The following AGBL2 variants were observed in gnomAD, a reference collection of about 807,000 sequenced individuals.
AGBL2 encodes cytosolic carboxypeptidase 2.
In AGBL2, 87 loss-of-function variants were observed where a neutral mutation model predicts 103.0. The observed-to-expected ratio is 0.84, with a 90% CI of 0.71 to 1.01. AGBL2 has a LOEUF of 1.01. AGBL2 is among the 50% of genes least tolerant of loss of function. The pLI is 0.00. For missense variants in AGBL2, 904 were observed against 1,023.5 expected (o/e 0.88, Z 1.59); for synonymous variants, 335 against 356.7 (o/e 0.94, Z 0.69).
rs550466607 is a variant in AGBL2, at chr11:47,685,913, A to G, written c.1768T>C (p.Cys590Arg). 11 of 1,613,824 alleles carry G rather than the reference A, an allele frequency of 6.8e-6. No homozygotes were observed. The highest frequency in any genetic ancestry group is 9.3e-6 in the Non-Finnish European group (11 of 1,179,932). The change falls in exon 11 of 19, where the codon TGC (cysteine) becomes CGC (arginine). Residue 590 changes from cysteine to arginine, a missense_variant. Transcript: ENST00000525123. ...LHERVFPLML[C>R]KNAPDKFSFH... is the part of the protein sequence containing the mutation. ...CTTACCTTATCTGGTGCATTTTTGC[A>G]TAACATTAAAGGAAAGACTCGTTCA... is the stretch of plus-strand genomic sequence containing the variant.
intron 6 of AGBL2, 112 bp from the exon 7 acceptor site, chr11:47,704,840 G>A: frequency 2.6e-6 from 2 of 772,212 alleles, no homozygotes; most frequent in Non-Finnish European, 4.0e-6. Context: ...TATTAGCACA[G>A]ATATGTGATT....
intron 8 of AGBL2, among the ~76,000 whole-genome samples, chr11:47,697,863 T>A (rs2097482235): frequency 6.6e-6 from 1 of 150,772 alleles, no homozygotes; most frequent in South Asian, 2.1e-4. Flanking sequence ...ATTTTATTTT[T>A]TATTTTTTTT....
rs745972082 is a variant in AGBL2, at chr11:47,705,662, A to G, written c.287-28T>C. The G allele has an allele frequency of 6.7e-6, 4 of 595,002 alleles. No homozygotes were observed. In the Admixed American group the frequency reaches 1.2e-4, roughly 18 times the overall value. The allele number at this position is 595,002 out of a possible 1,614,324, so 36.9% of individuals were successfully genotyped here. On this transcript the variant is annotated intron_variant, in intron 5 of 18. Coordinates refer to ENST00000525123, the MANE Select transcript of AGBL2 (RefSeq NM_024783.4). ...GTGTCAAAAAAAAAAAAAAAAGAAA[A>G]AGAAAAAGAAGAAAGGGAATGAGGA...
In AGBL2 at chr11:47,674,475, G is replaced by A. The variant is rs554609649; in HGVS notation, c.2147+2796C>T. On this transcript the variant is annotated intron_variant, in intron 14 of 18. Coordinates refer to ENST00000525123, the MANE Select transcript of AGBL2 (RefSeq NM_024783.4). ...CCAGCTACTTGAGGGGCTGAGGCAG[G>A]AGAATTGCTTGAACCTGGGAAGCGG... Among the ~76,000 whole-genome samples, 10 of 151,240 alleles carry A rather than the reference G, an allele frequency of 6.6e-5. No homozygotes were observed. In the South Asian group the frequency reaches 1.9e-3, roughly 28 times the overall value.
At chr11:47,698,560 G>A (rs2097486000) in intron 8 of AGBL2, among the ~76,000 whole-genome samples, 1 of 152,072 alleles carries the variant, frequency 6.6e-6, no homozygotes, top group African/African-American at 2.4e-5. Flanking sequence ...AGAAGCTTAG[G>A]TAATTGATAA....
At chr11:47,713,283 G>T (rs1028402528) in intron 3 of AGBL2, among the ~76,000 whole-genome samples, 1 of 150,856 alleles carries the variant, frequency 6.6e-6, no homozygotes, top group African/African-American at 2.4e-5. Context: ...GGTGGAGGTC[G>T]CAGTGAGCCG....
At chr11:47,669,820 C>T (rs1329130331) in intron 14 of AGBL2, among the ~76,000 whole-genome samples, 1 of 152,126 alleles carries the variant, frequency 6.6e-6, no homozygotes, top group East Asian at 1.9e-4. Context: ...ACCGTGTTAG[C>T]CAAGATGGTC....
At chr11:47,699,296 A>G (rs2097488939) in intron 8 of AGBL2, 150 bp downstream of exon 8, 1 of 464,886 alleles carries the variant, frequency 2.2e-6, no homozygotes, top group Admixed American at 4.1e-5. Context: ...CAGACTGGTT[A>G]TGACTCCTCC....
chr11:47,684,059 T>G (rs909051533), intron 11 of AGBL2, among the ~76,000 whole-genome samples: 4 of 151,992 alleles, frequency 2.6e-5, no homozygotes, highest in Non-Finnish European at 5.9e-5. Context: ...GAGACCAGCC[T>G]GGCCTACATC....
Position 47,710,777 on chromosome 11 carries a change from C to A in AGBL2, c.98-266G>T, listed in dbSNP as rs942219072. On this transcript the variant is annotated intron_variant, in intron 3 of 18. Transcript: ENST00000525123. Reference sequence around the variant, plus strand: ...GTGGAGTGAGAAAGGACTTGGCAGGCAGAAAGATTCTGAAGCTACAAGGGC... The same window carrying A: ...GTGGAGTGAGAAAGGACTTGGCAGGAAGAAAGATTCTGAAGCTACAAGGGC... The A allele has an allele frequency of 8.1e-5, 43 of 530,568 alleles. No individual in the cohort carries two copies. The Admixed American group carries it at 9.4e-4, about 12-fold the overall frequency. 32.9% of individuals were successfully genotyped at this position (530,568 alleles called of 1,614,324 possible).
intron 8 of AGBL2, among the ~76,000 whole-genome samples, chr11:47,695,347 C>A (rs1485736584): frequency 6.7e-6 from 1 of 148,590 alleles, no homozygotes; most frequent in Non-Finnish European, 1.5e-5. Context: ...TGATGGTAGG[C>A]AACTATAATT....
intron 8 of AGBL2, among the ~76,000 whole-genome samples, chr11:47,699,231 TAG>T (rs2097488716): frequency 6.6e-6 from 1 of 152,168 alleles, no homozygotes; most frequent in Non-Finnish European, 1.5e-5. Context: ...AAAATGGACT[TAG>T]AACTATTAAA....
At position 47,682,478 on chromosome 11, in the gene AGBL2, A is replaced by G. The variant is rs964031659; in HGVS notation, c.1789-383T>C. ...CTCCCCTAAGGAGAATTTTGCAGGAATTGGTTTCCTAGAACATCCGTTTGG... is the reference window on the plus strand; with the variant it reads ...CTCCCCTAAGGAGAATTTTGCAGGAGTTGGTTTCCTAGAACATCCGTTTGG... On this transcript the variant is annotated intron_variant, in intron 11 of 18. Coordinates refer to ENST00000525123, the MANE Select transcript of AGBL2 (RefSeq NM_024783.4). Among the ~76,000 whole-genome samples, 7 of 152,142 alleles carry G rather than the reference A, an allele frequency of 4.6e-5. 1 individual carries two copies. The highest frequency in any genetic ancestry group is 7.3e-5 in the Non-Finnish European group (5 of 68,028).
intron 7 of AGBL2, among the ~76,000 whole-genome samples, chr11:47,702,738 G>C (rs1365070366): frequency 6.6e-6 from 1 of 152,080 alleles, no homozygotes; most frequent in Non-Finnish European, 1.5e-5. Context: ...GCTGGGTGCG[G>C]TGGTGGGTGC....
At chr11:47,681,572 A>G (rs1485064179) in intron 12 of AGBL2, among the ~76,000 whole-genome samples, 2 of 152,046 alleles carry the variant, frequency 1.3e-5, no homozygotes, top group African/African-American at 4.8e-5. Flanking sequence ...GGTTCAAGCG[A>G]TTCTCCTGCC....
At chr11:47,693,323 G>A (rs1200425658) in intron 8 of AGBL2, among the ~76,000 whole-genome samples, 1 of 151,984 alleles carries the variant, frequency 6.6e-6, no homozygotes, top group Non-Finnish European at 1.5e-5. Flanking sequence ...CACCCTGCCC[G>A]GCTCATTTGT....
intron 7 of AGBL2, among the ~76,000 whole-genome samples, chr11:47,703,738 C>G (rs570621996): frequency 6.6e-6 from 1 of 152,002 alleles, no homozygotes; most frequent in South Asian, 2.1e-4. Flanking sequence ...CCAGACTGAC[C>G]AACATGGAGA....
At position 47,681,196 on chromosome 11, in the gene AGBL2, G is replaced by A. The variant is rs572586483; in HGVS notation, c.1915+773C>T. 7.9e-5 allele frequency among the ~76,000 whole-genome samples: 12 copies of A among 151,718 alleles called. No homozygotes were observed. In the South Asian group the frequency reaches 2.5e-3, roughly 32 times the overall value. Reference sequence around the variant, plus strand: ...AAAATAAAAAAATTAGCCAGGCATGGTGACATGCACCTATAGTCCCAGCTA... The same window carrying A: ...AAAATAAAAAAATTAGCCAGGCATGATGACATGCACCTATAGTCCCAGCTA... On this transcript the variant is annotated intron_variant, in intron 12 of 18. Coordinates refer to ENST00000525123, the MANE Select transcript of AGBL2 (RefSeq NM_024783.4).
intron 11 of AGBL2, among the ~76,000 whole-genome samples, chr11:47,682,498 G>A (rs1018911109): frequency 6.6e-6 from 1 of 152,138 alleles, no homozygotes; most frequent in African/African-American, 2.4e-5. Flanking sequence ...TAGAACATCC[G>A]TTTGGCATTC....
Sources: allele counts gnomAD v4.1 joint callset (sites outside exome capture counted in the v4.1 genomes callset), GRCh38; gene constraint gnomAD v4.1.1; transcripts MANE v1.5; gene names NCBI Gene and HGNC (gene_info 2026-07-23, HGNC 2026-07-21).